The following CDNF variants were observed in gnomAD, a reference collection of about 807,000 sequenced individuals.
CDNF encodes cerebral dopamine neurotrophic factor.
Under a neutral mutation model 14.8 loss-of-function variants are expected in CDNF, and 9 were observed. The ratio of observed to expected loss-of-function variants is 0.61; its 90% CI spans 0.37 to 1.06. The LOEUF (loss-of-function observed/expected upper bound fraction) is 1.06, where lower values mean the gene tolerates loss of function less well. Ranked by LOEUF, CDNF falls within the 50% of genes least tolerant of loss-of-function variation. The pLI, the probability that CDNF is intolerant of heterozygous loss-of-function variation, is 0.01. For missense variants in CDNF, 228 were observed against 228.4 expected (o/e 1.00, Z 0.01); for synonymous variants, 86 against 87.2 (o/e 0.99, Z 0.07).
intron 1 of CDNF, among the ~76,000 whole-genome samples, chr10:14,829,811 G>C (rs977343542): frequency 2.0e-5 from 3 of 152,022 alleles, no homozygotes; most frequent in Non-Finnish European, 4.4e-5. Context: ...TATATTTTCA[G>C]TAGATACGAG....
intron 3 of CDNF, among the ~76,000 whole-genome samples, chr10:14,820,407 T>G (rs1833728049): frequency 6.6e-6 from 1 of 152,010 alleles, no homozygotes; most frequent in Admixed American, 6.6e-5. Context: ...TCTAAACAAA[T>G]TAAAGATAAC....
In CDNF at chr10:14,820,200, GA is replaced by G. The variant is rs201114666; in HGVS notation, c.386-43del. On this transcript the variant is annotated intron_variant, in intron 3 of 3. Coordinates refer to ENST00000465530, the MANE Select transcript of CDNF (RefSeq NM_001029954.3). ...AAAAAAGCCAATTACAAAATAAATG[GA>G]AAAAAAATCCCTATGAATCACTTCA... 2.8e-3 allele frequency: 4,442 copies of G among 1,586,230 alleles called. 100 individuals are homozygous for G. The African/African-American group carries it at 0.051, about 18-fold the overall frequency.
intron 1 of CDNF, chr10:14,836,118 G>A (rs1428046154): frequency 6.6e-6 from 1 of 152,212 alleles, no homozygotes; most frequent in Non-Finnish European, 1.5e-5. Flanking sequence ...TCGCTCTAGA[G>A]TATGTATAAT....
chr10:14,828,933 G>C (rs1359452351), intron 1 of CDNF, among the ~76,000 whole-genome samples: 1 of 152,124 alleles, frequency 6.6e-6, no homozygotes, highest in Non-Finnish European at 1.5e-5. Flanking sequence ...GCTGAGGTGG[G>C]AGGGTCACTT....
At chr10:14,827,052 CAAAAAAAAA>C (rs34308438) in intron 2 of CDNF, among the ~76,000 whole-genome samples, 5 of 74,678 alleles carry the variant, frequency 6.7e-5, no homozygotes, top group Non-Finnish European at 1.3e-4. Context: ...CCCGTCTCTA[CAAAAAAAAA>C]AAAAAAAAAA....
chr10:14,835,938 G>A (rs1045919804), intron 1 of CDNF, among the ~76,000 whole-genome samples: 1 of 152,164 alleles, frequency 6.6e-6, no homozygotes. Flanking sequence ...GGCCAATCTT[G>A]CCAGGTCATC....
Position 14,828,283 on chromosome 10 carries a change from C to A in CDNF, c.116-11G>T, listed in dbSNP as rs1375434048. 2 of 1,612,760 alleles carry A rather than the reference C, an allele frequency of 1.2e-6. No individual in the cohort carries two copies. Among genetic ancestry groups the A allele is most frequent in the Non-Finnish European group, 1.7e-6 (2 of 1,179,336 alleles). Reference sequence around the variant, plus strand: ...AGAATTCTTTACATACTGGAAGGAACAAATAAATATGTCTGCATGCACAAC... The same window carrying A: ...AGAATTCTTTACATACTGGAAGGAAAAAATAAATATGTCTGCATGCACAAC... On this transcript the variant is annotated splice_polypyrimidine_tract_variant and intron_variant, in intron 1 of 3. Coordinates refer to ENST00000465530, the MANE Select transcript of CDNF (RefSeq NM_001029954.3).
At chr10:14,834,598 A>G (rs1180193124) in intron 1 of CDNF, among the ~76,000 whole-genome samples, 2 of 152,240 alleles carry the variant, frequency 1.3e-5, no homozygotes, top group Non-Finnish European at 2.9e-5. Context: ...CCAAAATTTT[A>G]TCACAGCATA....
At position 14,828,203 on chromosome 10, in the gene CDNF, G is replaced by C; in HGVS notation, c.185C>G (p.Thr62Ser). The change falls in exon 2 of 4, where the codon ACT becomes AGT. Residue 62 changes from threonine (T) to serine (S), a missense_variant. By Grantham distance (58) the Thr-to-Ser change is moderately conservative. Transcript: ENST00000465530. ...IDRGVNFSLD[T>S]IEKELISFCL... Reference sequence around the variant, plus strand: ...AAAACTGATCAATTCTTTCTCTATAGTGTCCAGCGAAAAGTTAACTCCTCT... The same window carrying C: ...AAAACTGATCAATTCTTTCTCTATACTGTCCAGCGAAAAGTTAACTCCTCT... 1 of 1,613,378 alleles carries C rather than the reference G, an allele frequency of 6.2e-7. No individual in the cohort carries two copies.
chr10:14,820,254 G>T (rs1237114418), intron 3 of CDNF, 96 bp from the exon 4 acceptor site: 3 of 1,196,368 alleles, frequency 2.5e-6, no homozygotes, highest in African/African-American at 3.0e-5. Context: ...TTATCTTGGT[G>T]CTGACTACCC....
chr10:14,832,950 C>A (rs1833856389), intron 1 of CDNF, among the ~76,000 whole-genome samples: 1 of 148,352 alleles, frequency 6.7e-6, no homozygotes, highest in Admixed American at 6.9e-5. Context: ...ACCTCCAACT[C>A]CTGGATTGAA....
At chr10:14,832,772 G>A (rs1020944686) in intron 1 of CDNF, among the ~76,000 whole-genome samples, 2 of 151,036 alleles carry the variant, frequency 1.3e-5, no homozygotes, top group Non-Finnish European at 2.9e-5. Context: ...GAACCGTGGA[G>A]TTGCCATCTG....
chr10:14,822,161 A>G (rs1378560945), intron 3 of CDNF, among the ~76,000 whole-genome samples: 3 of 152,156 alleles, frequency 2.0e-5, no homozygotes, highest in Non-Finnish European at 2.9e-5. Flanking sequence ...CACTTCTCCA[A>G]TGCTAGGGCT....
Position 14,820,103 on chromosome 10 carries a change from C to T in CDNF, c.441G>A (p.Leu147=). Residue 147 remains leucine (L), a synonymous_variant, in exon 4 of 4, where the codon CTG becomes CTA. Coordinates refer to ENST00000465530, the MANE Select transcript of CDNF (RefSeq NM_001029954.3). ...VDLRKMRVAE[L]KQILHSWGEE... ...CCCCCCAGCTATGCAGGATCTGCTT[C>T]AGCTCTGCCACTCTCATCTTCCGCA... is the stretch of plus-strand genomic sequence containing the variant. The T allele has an allele frequency of 1.2e-6, 2 of 1,614,206 alleles. No homozygotes were observed. Among genetic ancestry groups the T allele is most frequent in the Non-Finnish European group, 1.7e-6 (2 of 1,180,024 alleles).
At chr10:14,822,737 A>G (rs550583747) in intron 3 of CDNF, among the ~76,000 whole-genome samples, 17 of 152,354 alleles carry the variant, frequency 1.1e-4, no homozygotes, top group African/African-American at 4.1e-4. Flanking sequence ...GAGTAGTAGA[A>G]CACAACATTT....
chr10:14,831,970 T>C (rs889383629), intron 1 of CDNF, among the ~76,000 whole-genome samples: 7 of 152,196 alleles, frequency 4.6e-5, no homozygotes, highest in Non-Finnish European at 1.0e-4. Flanking sequence ...AAGCGACTAG[T>C]AAGTGCAAAA....
chr10:14,820,635 C>A (rs112758798), intron 3 of CDNF, among the ~76,000 whole-genome samples: 2,190 of 151,422 alleles, frequency 0.014, 61 homozygotes, highest in African/African-American at 0.049. Context: ...TGGGAGGCTG[C>A]GGCGGGAGAA....
intron 1 of CDNF, among the ~76,000 whole-genome samples, chr10:14,831,480 TAC>T (rs1199718311): frequency 1.3e-5 from 2 of 148,606 alleles, no homozygotes; most frequent in Non-Finnish European, 3.0e-5. Context: ...TATATATATA[TAC>T]ACACACATAT....
At chr10:14,833,829 C>T (rs191538481) in intron 1 of CDNF, among the ~76,000 whole-genome samples, 7 of 152,018 alleles carry the variant, frequency 4.6e-5, no homozygotes, top group Admixed American at 6.6e-5. Context: ...CAGAAAAAGA[C>T]GGAAAGGAGC....
Sources: gnomAD v4.1 joint callset for allele counts (sites outside exome capture counted in the v4.1 genomes callset) on GRCh38, gnomAD v4.1.1 for gene constraint, MANE v1.5 for transcripts, NCBI Gene and HGNC (gene_info 2026-07-23, HGNC 2026-07-21) for gene names.